GXYLT2: variants seen among roughly 807,000 people sequenced by gnomAD.
The protein encoded by GXYLT2 is glycosyltransferase 8 domain containing 4.
In GXYLT2, 53 loss-of-function variants were observed where a neutral mutation model predicts 45.8. The ratio of observed to expected loss-of-function variants is 1.16; its 90% CI spans 0.93 to 1.46. The LOEUF (loss-of-function observed/expected upper bound fraction) is 1.46. Among genes scored for constraint, GXYLT2 ranks in the 40% most tolerant of loss-of-function variants. The probability of loss-of-function intolerance (pLI) is 0.00; values close to 1 mark genes in which losing one functional copy is unlikely to be tolerated. For missense variants in GXYLT2, 551 were observed against 544.4 expected (o/e 1.01, Z -0.12); for synonymous variants, 219 against 214.2 (o/e 1.02, Z -0.19).
At chr3:72,945,122 CAA>C (rs35015597) in intron 3 of GXYLT2, among the ~76,000 whole-genome samples, 6 of 136,518 alleles carry the variant, frequency 4.4e-5, no homozygotes, top group Non-Finnish European at 6.2e-5. Context: ...ACTAAAACTA[CAA>C]AAAAAAAAAA....
intron 3 of GXYLT2, among the ~76,000 whole-genome samples, chr3:72,952,005 CTTTT>C (rs34302153): frequency 7.6e-6 from 1 of 130,984 alleles, no homozygotes. Context: ...CCATGCCCAG[CTTTT>C]TTTTTTTTTT....
At chr3:72,929,857 G>A (rs1194441300) in intron 3 of GXYLT2, among the ~76,000 whole-genome samples, 4 of 152,200 alleles carry the variant, frequency 2.6e-5, no homozygotes, top group South Asian at 2.1e-4. Context: ...GAATGGATTC[G>A]ACAATCAAAT....
intron 1 of GXYLT2, among the ~76,000 whole-genome samples, chr3:72,890,202 C>T: frequency 7.5e-6 from 1 of 132,970 alleles, no homozygotes; most frequent in East Asian, 1.9e-4. Flanking sequence ...GCGTGAGCCA[C>T]CGCGCCGGGC....
chr3:72,966,523 G>T (rs1370324721), intron 5 of GXYLT2, among the ~76,000 whole-genome samples: 2 of 129,446 alleles, frequency 1.5e-5, no homozygotes, highest in Non-Finnish European at 3.1e-5. Context: ...GCAGTGGCAT[G>T]ATCATAGCTC....
Position 72,949,161 on chromosome 3 carries a change from C to T in GXYLT2, c.601-5937C>T, listed in dbSNP as rs544676803. On this transcript the variant is annotated intron_variant, in intron 3 of 6. Transcript: ENST00000389617. ...TCAGGATTAAGTCCAAATTTGTCAA[C>T]ATAGTTCCTGATCGGGCACCTGCCC... 5.9e-5 allele frequency among the ~76,000 whole-genome samples: 9 copies of T among 152,256 alleles called. No individual in the cohort carries two copies. In the South Asian group the frequency reaches 1.9e-3, roughly 32 times the overall value.
At chr3:72,925,475 T>A (rs956388116) in intron 3 of GXYLT2, among the ~76,000 whole-genome samples, 1 of 152,116 alleles carries the variant, frequency 6.6e-6, no homozygotes, top group East Asian at 1.9e-4. Flanking sequence ...GTTCTTCACA[T>A]GTCACAGACC....
intron 3 of GXYLT2, among the ~76,000 whole-genome samples, chr3:72,954,297 AG>A (rs1315849786): frequency 6.6e-6 from 1 of 151,378 alleles, no homozygotes; most frequent in Non-Finnish European, 1.5e-5. Flanking sequence ...TAGTAGAGAC[AG>A]GGTTTCAACA....
chr3:72,913,807 G>A (rs544129039), intron 2 of GXYLT2, among the ~76,000 whole-genome samples: 4 of 152,140 alleles, frequency 2.6e-5, no homozygotes, highest in Non-Finnish European at 5.9e-5. Context: ...TACTGCCTTT[G>A]CCCTTACGTA....
intron 1 of GXYLT2, among the ~76,000 whole-genome samples, chr3:72,900,497 C>T (rs1709383456): frequency 6.6e-6 from 1 of 152,104 alleles, no homozygotes; most frequent in Non-Finnish European, 1.5e-5. Context: ...TCACTGCAAC[C>T]TCCACCTCCC....
rs1387447401 is a variant in GXYLT2 at position 72,955,273 on chromosome 3, C to T, written c.776C>T (p.Pro259Leu). Reference sequence around the variant, plus strand: ...TGGTACAGCCGCTTTGCTAGGCATCCTTTCTATGGCTCTGCAGGAGTTAAT... The same window carrying T: ...TGGTACAGCCGCTTTGCTAGGCATCTTTTCTATGGCTCTGCAGGAGTTAAT... ...IGWYSRFARH[P>L]FYGSAGVNSG... Residue 259 changes from proline (P) to leucine (L), a missense_variant, in exon 4 of 7, where the codon CCT becomes CTT. Pro to Leu is a moderately conservative substitution (Grantham distance 98, BLOSUM62 -3). Coordinates refer to ENST00000389617, the MANE Select transcript of GXYLT2 (RefSeq NM_001080393.2). The T allele has an allele frequency of 1.2e-6, 2 of 1,613,900 alleles. No individual in the cohort carries two copies. The highest frequency in any genetic ancestry group is 1.7e-6 in the Non-Finnish European group (2 of 1,179,894).
chr3:72,889,619 T>C (rs1559721562), intron 1 of GXYLT2, among the ~76,000 whole-genome samples: 1 of 152,194 alleles, frequency 6.6e-6, no homozygotes, highest in East Asian at 1.9e-4. Flanking sequence ...ATACAGTCTT[T>C]AAGGATATCT....
intron 2 of GXYLT2, among the ~76,000 whole-genome samples, chr3:72,911,137 C>CA (rs1356090677): frequency 1.3e-5 from 2 of 152,070 alleles, no homozygotes; most frequent in Non-Finnish European, 2.9e-5. Context: ...ACTAAAAATA[C>CA]AAAAATTAGC....
intron 1 of GXYLT2, among the ~76,000 whole-genome samples, chr3:72,903,011 C>CA (rs1164514077): frequency 6.6e-6 from 1 of 151,906 alleles, no homozygotes; most frequent in South Asian, 2.1e-4. Flanking sequence ...GACTCCGTCT[C>CA]AAAAAACAAA....
In GXYLT2 at chr3:72,888,416, C is replaced by A; in HGVS notation, c.183C>A (p.Pro61=). 1.9e-6 allele frequency: 2 copies of A among 1,054,758 alleles called. No homozygotes were observed. The highest frequency in any genetic ancestry group is 2.3e-6 in the Non-Finnish European group (2 of 876,864). 65.3% of individuals were successfully genotyped at this position (1,054,758 alleles called of 1,614,324 possible). Residue 61 remains proline, a synonymous_variant, in exon 1 of 7, where the codon CCC becomes CCA. Transcript: ENST00000389617. ...PARWPGPGAL[P]GASPGVRRRR... is the part of the protein sequence containing the mutation. ...GCTGGCCGGGGCCGGGCGCCCTCCC[C>A]GGGGCCAGCCCGGGAGTTCGGAGGC...
intron 6 of GXYLT2, among the ~76,000 whole-genome samples, chr3:72,971,264 C>G (rs550743272): frequency 6.6e-6 from 1 of 152,286 alleles, no homozygotes; most frequent in South Asian, 2.1e-4. Context: ...GCTTAGTACA[C>G]TCCATGATTT....
At chr3:72,941,329 A>G (rs1710295087) in intron 3 of GXYLT2, among the ~76,000 whole-genome samples, 1 of 152,168 alleles carries the variant, frequency 6.6e-6, no homozygotes, top group Non-Finnish European at 1.5e-5. Context: ...GAATCCTCCT[A>G]GAGTCCCTGT....
At chr3:72,929,681 T>C in intron 3 of GXYLT2, 1 of 662,108 alleles carries the variant, frequency 1.5e-6, no homozygotes, top group Non-Finnish European at 2.7e-6. Flanking sequence ...TCCTTTACTT[T>C]TTCTATAAGT....
intron 2 of GXYLT2, among the ~76,000 whole-genome samples, chr3:72,919,761 A>G (rs1346307791): frequency 1.3e-5 from 2 of 152,170 alleles, no homozygotes; most frequent in Non-Finnish European, 2.9e-5. Flanking sequence ...TCTCAAAAAC[A>G]AAAAGAAGTT....
intron 1 of GXYLT2, among the ~76,000 whole-genome samples, chr3:72,889,167 A>C (rs1425662670): frequency 1.3e-5 from 2 of 152,078 alleles, no homozygotes; most frequent in East Asian, 1.9e-4. Flanking sequence ...CTTTCCCTAC[A>C]CAAAGCCTAA....
Sources: allele counts gnomAD v4.1 joint callset (sites outside exome capture counted in the v4.1 genomes callset), GRCh38; gene constraint gnomAD v4.1.1; transcripts MANE v1.5; gene names NCBI Gene and HGNC (gene_info 2026-07-23, HGNC 2026-07-21).